Variants in AFF1 observed in about 807,000 individuals in gnomAD.
AFF1 encodes the protein AF4/FMR2 family member 1.
Under a neutral mutation model 121.7 loss-of-function variants are expected in AFF1, and 48 were observed. That is an observed-to-expected ratio of 0.39 (90% CI 0.31 to 0.50). The LOEUF is 0.50. Ranked by LOEUF, AFF1 falls within the 20% of genes least tolerant of loss-of-function variation. The pLI is 0.76. For synonymous variants in AFF1, 613 were observed against 563.0 expected, an observed-to-expected ratio of 1.09 and a Z score of -1.26; for missense variants, 1,523 against 1,511.7, an observed-to-expected ratio of 1.01 and a Z score of -0.12.
chr4:86,964,554 G>C (rs1042400625), intron 2 of AFF1, among the ~76,000 whole-genome samples: 1 of 151,160 alleles, frequency 6.6e-6, no homozygotes, highest in Non-Finnish European at 1.5e-5. Flanking sequence ...TCCTGCCTCA[G>C]CTCCTGAGTA....
chr4:87,079,808 A>C (rs992081594), intron 4 of AFF1, among the ~76,000 whole-genome samples: 1 of 152,190 alleles, frequency 6.6e-6, no homozygotes, highest in Non-Finnish European at 1.5e-5. Context: ...ACCTACCACA[A>C]AGGTTGATGT....
chr4:86,964,829 T>A (rs1039915950), intron 2 of AFF1, among the ~76,000 whole-genome samples: 1 of 152,272 alleles, frequency 6.6e-6, no homozygotes, highest in African/African-American at 2.4e-5. Flanking sequence ...TCTCTCCTGA[T>A]TAGACACAGA....
At chr4:86,967,819 C>T (rs1389514755) in intron 2 of AFF1, among the ~76,000 whole-genome samples, 1 of 152,216 alleles carries the variant, frequency 6.6e-6, no homozygotes, top group East Asian at 1.9e-4. Flanking sequence ...CTGTGAAAAT[C>T]CTGGCAAGTG....
Position 87,140,607 on chromosome 4 carries a change from T to G in AFF1, c.*4906T>G. On this transcript the variant is annotated 3_prime_UTR_variant, in exon 21 of 21. Transcript: ENST00000395146. The stretch of plus-strand genomic sequence containing the variant: ...GATAAATGAAAATCACTGGCCTATG[T>G]TTAATAAGTTTTTCTTTAATTACTG... The G allele has an allele frequency of 5.4e-6, 1 of 185,470 alleles. No homozygotes were observed. The allele number at this position is 185,470 out of a possible 1,614,324, so 11.5% of individuals were successfully genotyped here. A position where few individuals can be genotyped will look rare whatever the true frequency, so the allele number is the denominator to read the frequency against.
chr4:86,988,536 A>C (rs1427752486), intron 2 of AFF1, among the ~76,000 whole-genome samples: 2 of 152,198 alleles, frequency 1.3e-5, no homozygotes, highest in African/African-American at 4.8e-5. Context: ...TCAAGGAAAT[A>C]AGAGAGGACA....
intron 4 of AFF1, among the ~76,000 whole-genome samples, chr4:87,074,194 T>C (rs547457905): frequency 1.3e-5 from 2 of 152,202 alleles, no homozygotes; most frequent in East Asian, 3.9e-4. Flanking sequence ...GTGAGCAGAA[T>C]TGGTTGTAGA....
intron 12 of AFF1, among the ~76,000 whole-genome samples, chr4:87,119,028 C>A (rs1312800917): frequency 2.3e-5 from 2 of 86,822 alleles, no homozygotes; most frequent in African/African-American, 1.1e-4. Context: ...GAGTTACTTT[C>A]ATTTTCCACA....
intron 2 of AFF1, among the ~76,000 whole-genome samples, chr4:87,016,160 G>A (rs1014237459): frequency 5.3e-5 from 8 of 152,168 alleles, no homozygotes; most frequent in Admixed American, 3.9e-4. Flanking sequence ...CAGCCTGGGC[G>A]ATCTTTTGGT....
chr4:87,007,266 C>T (rs1726236461), intron 2 of AFF1: 2 of 1,521,648 alleles, frequency 1.3e-6, no homozygotes, highest in Non-Finnish European at 1.7e-6. Flanking sequence ...GGCTCGAGAG[C>T]AGGTAGTCCC....
chr4:87,115,289 A>C lies in AFF1; in HGVS notation c.2456A>C (p.Lys819Thr). The change falls in exon 12 of 21, where the codon AAA becomes ACA. Residue 819 changes from lysine (K) to threonine (T), a missense_variant. Lys to Thr is a moderately conservative substitution (Grantham distance 78, BLOSUM62 -1). This residue lies in a region of AFF1 where 905 missense variants were observed against 842.5 expected (regional missense o/e 1.07). Coordinates refer to ENST00000395146, the MANE Select transcript of AFF1 (RefSeq NM_001166693.3). ...RSSDSSSKLA[K>T]KRKGEAERDC... ...TCAGACAGCTCAAGCAAGTTGGCCA[A>C]AAAGAGAAAGGTGAGTGTGGGGAGA... 1 of 1,599,710 alleles carries C rather than the reference A, an allele frequency of 6.3e-7. No individual in the cohort carries two copies. The highest frequency in any genetic ancestry group is 8.5e-7 in the Non-Finnish European group (1 of 1,173,000).
At chr4:87,126,404 A>G (rs1164652460) in intron 14 of AFF1, 68 bp downstream of exon 14, 1 of 1,472,236 alleles carries the variant, frequency 6.8e-7, no homozygotes, top group Non-Finnish European at 9.5e-7. Flanking sequence ...CCCAAAGAAG[A>G]CAAGTTGCTA....
rs184492781 is a variant in AFF1, at chr4:86,940,713, A to G, written c.-37+5473A>G. 3.7e-4 allele frequency among the ~76,000 whole-genome samples: 56 copies of G among 152,128 alleles called. No homozygotes were observed. In the East Asian group the frequency reaches 0.01, roughly 28 times the overall value. On this transcript the variant is annotated intron_variant, in intron 1 of 20. Transcript: ENST00000395146. ...CTGTGCCTGGCCTTCCTAATCTTTT[A>G]TAGTTGTCAGTAAGTGTGTCTGCTC...
chr4:87,049,577 GTTT>G lies in AFF1; in HGVS notation c.1059+1991_1059+1993del, dbSNP rs565714120. 1.1e-5 allele frequency: 4 copies of G among 361,078 alleles called. No individual in the cohort carries two copies. In the Admixed American group the frequency reaches 1.2e-4, roughly 11 times the overall value. The allele number at this position is 361,078 out of a possible 1,614,324, so 22.4% of individuals were successfully genotyped here. A position where few individuals can be genotyped will look rare whatever the true frequency, so the allele number is the denominator to read the frequency against. ...ATACATTTGGTCATTGAAGAATGGG[GTTT>G]TTTTTTTGGCACCAGTGCATCTGCT... On this transcript the variant is annotated intron_variant, in intron 4 of 20. Coordinates refer to ENST00000395146, the MANE Select transcript of AFF1 (RefSeq NM_001166693.3).
chr4:87,029,209 AGAATAGTTGG>A (rs1728827703), intron 2 of AFF1, among the ~76,000 whole-genome samples: 1 of 152,156 alleles, frequency 6.6e-6, no homozygotes, highest in Non-Finnish European at 1.5e-5. Context: ...TTATTGTAAG[AGAATAGTTGG>A]GAATCTGTGA....
chr4:87,045,213 A>G (rs967040402), intron 2 of AFF1, among the ~76,000 whole-genome samples: 1 of 152,166 alleles, frequency 6.6e-6, no homozygotes, highest in Non-Finnish European at 1.5e-5. Context: ...ACAATCAAAT[A>G]TTTTCCTGTT....
At chr4:87,024,349 G>A (rs1292571236) in intron 2 of AFF1, among the ~76,000 whole-genome samples, 4 of 152,160 alleles carry the variant, frequency 2.6e-5, no homozygotes, top group African/African-American at 4.8e-5. Context: ...TGAGAGTAGG[G>A]AAACATGGTA....
chr4:87,002,796 C>A (rs1012408147), intron 2 of AFF1, among the ~76,000 whole-genome samples: 3 of 152,108 alleles, frequency 2.0e-5, no homozygotes, highest in Non-Finnish European at 2.9e-5. Flanking sequence ...GGATTCTTAA[C>A]CTGAAATCTG....
intron 2 of AFF1, among the ~76,000 whole-genome samples, chr4:87,041,209 T>C (rs1408971572): frequency 2.0e-5 from 3 of 152,088 alleles, no homozygotes; most frequent in Non-Finnish European, 4.4e-5. Context: ...TTTCGTTCAG[T>C]TGGAAAATGG....
At chr4:87,125,177 G>T (rs1022464909) in intron 13 of AFF1, 34 bp downstream of exon 13, 4 of 1,514,680 alleles carry the variant, frequency 2.6e-6, no homozygotes, top group Non-Finnish European at 3.6e-6. Context: ...CCTAATCTAC[G>T]GTGATCAACA....
Sources: allele counts gnomAD v4.1 joint callset (sites outside exome capture counted in the v4.1 genomes callset), GRCh38; gene constraint gnomAD v4.1.1; regional missense constraint gnomAD v4.1.1; transcripts MANE v1.5; gene names NCBI Gene and HGNC (gene_info 2026-07-23, HGNC 2026-07-21).